Variants in TBC1D5 observed in about 807,000 individuals in gnomAD.
The protein encoded by TBC1D5 is TBC1 domain family, member 5.
Under a neutral mutation model 100.3 loss-of-function variants are expected in TBC1D5, and 75 were observed. The observed-to-expected ratio is 0.75, with a 90% CI of 0.62 to 0.91. The LOEUF is 0.91. Ranked by LOEUF, TBC1D5 falls within the 40% of genes least tolerant of loss-of-function variation. The probability of loss-of-function intolerance (pLI) is 0.00; values close to 1 mark genes in which losing one functional copy is unlikely to be tolerated. For synonymous variants in TBC1D5, 323 were observed against 325.6 expected (o/e 0.99, Z 0.09); for missense variants, 910 against 942.4 (o/e 0.97, Z 0.45).
chr3:17,407,140 G>A (rs1318521652), intron 4 of TBC1D5, among the ~76,000 whole-genome samples: 1 of 152,090 alleles, frequency 6.6e-6, no homozygotes, highest in Non-Finnish European at 1.5e-5. Flanking sequence ...AGGCAAGCTT[G>A]AGTACCTTGC....
chr3:17,211,558 C>T (rs1190914535), intron 18 of TBC1D5, among the ~76,000 whole-genome samples: 1 of 152,164 alleles, frequency 6.6e-6, no homozygotes. Context: ...GTTGTCATGT[C>T]TTCAGTTCTA....
At chr3:17,353,734 T>TTG (rs1459113463) in intron 13 of TBC1D5, among the ~76,000 whole-genome samples, 1 of 152,112 alleles carries the variant, frequency 6.6e-6, no homozygotes, top group African/African-American at 2.4e-5. Context: ...TCAGTGGAGA[T>TTG]GTCAGAGTAC....
chr3:17,569,676 T>G (rs1013550666), intron 2 of TBC1D5, among the ~76,000 whole-genome samples: 2 of 151,422 alleles, frequency 1.3e-5, no homozygotes, highest in African/African-American at 4.8e-5. Flanking sequence ...CTTTATTTCT[T>G]AAAAAGGAAC....
intron 13 of TBC1D5, among the ~76,000 whole-genome samples, chr3:17,339,158 G>A (rs915001544): frequency 6.6e-6 from 1 of 152,184 alleles, no homozygotes; most frequent in Non-Finnish European, 1.5e-5. Flanking sequence ...GACAAGCAAT[G>A]CCTATGCTGT....
chr3:17,697,284 G>C (rs180756845), intron 1 of TBC1D5, among the ~76,000 whole-genome samples: 2 of 152,310 alleles, frequency 1.3e-5, no homozygotes, highest in East Asian at 3.8e-4. Context: ...GAAATAAAAG[G>C]TATTTAATTA....
intron 2 of TBC1D5, among the ~76,000 whole-genome samples, chr3:17,532,453 A>T (rs1039584291): frequency 5.3e-5 from 8 of 152,210 alleles, no homozygotes; most frequent in African/African-American, 9.6e-5. Context: ...CTAGAACTAG[A>T]AATACCATTT....
intron 8 of TBC1D5, among the ~76,000 whole-genome samples, chr3:17,396,046 CT>C: frequency 6.6e-6 from 1 of 152,156 alleles, no homozygotes; most frequent in Middle Eastern, 3.4e-3. Flanking sequence ...GTTTTCCCCC[CT>C]CTTTAATATT....
intron 18 of TBC1D5, among the ~76,000 whole-genome samples, chr3:17,199,739 A>C (rs2071212770): frequency 6.6e-6 from 1 of 152,226 alleles, no homozygotes; most frequent in African/African-American, 2.4e-5. Flanking sequence ...CAGGAATAAA[A>C]AGGTGATGAT....
chr3:17,704,529 G>A (rs1484298365), intron 1 of TBC1D5, among the ~76,000 whole-genome samples: 6 of 91,358 alleles, frequency 6.6e-5, no homozygotes, highest in Non-Finnish European at 6.7e-5. Flanking sequence ...CTCCCGGACG[G>A]GGCGGCTGGC....
intron 13 of TBC1D5, among the ~76,000 whole-genome samples, chr3:17,324,709 GC>G (rs1256177321): frequency 6.6e-6 from 1 of 151,996 alleles, no homozygotes; most frequent in African/African-American, 2.4e-5. Flanking sequence ...ATACATACAT[GC>G]AAAAAGACAT....
intron 2 of TBC1D5, among the ~76,000 whole-genome samples, chr3:17,513,308 G>A (rs1393535508): frequency 1.3e-5 from 2 of 151,638 alleles, no homozygotes; most frequent in African/African-American, 4.8e-5. Flanking sequence ...CTCCAGCCTG[G>A]GCGACAGAGC....
At chr3:17,205,380 A>G (rs931398350) in intron 18 of TBC1D5, among the ~76,000 whole-genome samples, 5 of 152,186 alleles carry the variant, frequency 3.3e-5, no homozygotes, top group Non-Finnish European at 4.4e-5. Context: ...CTGAAAAGAA[A>G]ATCAGATAAC....
At chr3:17,619,115 C>G (rs1446291348) in intron 2 of TBC1D5, among the ~76,000 whole-genome samples, 1 of 152,088 alleles carries the variant, frequency 6.6e-6, no homozygotes, top group Non-Finnish European at 1.5e-5. Flanking sequence ...ATGTTCAAAA[C>G]CTACATAAAG....
intron 18 of TBC1D5, among the ~76,000 whole-genome samples, chr3:17,187,731 C>T (rs1001170039): frequency 2.6e-5 from 4 of 152,122 alleles, no homozygotes; most frequent in Admixed American, 2.0e-4. Flanking sequence ...AGAACTGTAC[C>T]GAAGCCAGAG....
intron 3 of TBC1D5, among the ~76,000 whole-genome samples, chr3:17,486,178 T>C (rs2095564860): frequency 6.6e-6 from 1 of 152,216 alleles, no homozygotes. Flanking sequence ...TGCCCACTTT[T>C]TGATGGGGTT....
At chr3:17,169,916 G>C (rs2067000617) in intron 19 of TBC1D5, among the ~76,000 whole-genome samples, 1 of 152,148 alleles carries the variant, frequency 6.6e-6, no homozygotes, top group African/African-American at 2.4e-5. Flanking sequence ...CTCACACAAG[G>C]AGCGCACAAC....
intron 8 of TBC1D5, among the ~76,000 whole-genome samples, chr3:17,385,295 T>TA (rs768237758): frequency 3.3e-5 from 5 of 151,966 alleles, no homozygotes; most frequent in Non-Finnish European, 4.4e-5. Context: ...GCTTTGGAAC[T>TA]AAAAAATGGG....
chr3:17,689,805 G>A (rs2070855382), intron 1 of TBC1D5, among the ~76,000 whole-genome samples: 1 of 152,114 alleles, frequency 6.6e-6, no homozygotes, highest in Non-Finnish European at 1.5e-5. Context: ...AATATAACTT[G>A]CATCTGGTGA....
chr3:17,416,331 A>C (rs1388526533), intron 4 of TBC1D5, among the ~76,000 whole-genome samples: 1 of 152,210 alleles, frequency 6.6e-6, no homozygotes, highest in Non-Finnish European at 1.5e-5. Context: ...GGCTAGTTGC[A>C]GCTGAAGAAC....
Sources: gnomAD v4.1 joint callset for allele counts (sites outside exome capture counted in the v4.1 genomes callset) on GRCh38, gnomAD v4.1.1 for gene constraint, MANE v1.5 for transcripts, NCBI Gene and HGNC (gene_info 2026-07-23, HGNC 2026-07-21) for gene names.